Variants in TTLL7 observed in about 807,000 individuals in gnomAD.
The protein encoded by TTLL7 is tubulin polyglutamylase TTLL7.
A neutral mutation model predicts 120.2 loss-of-function variants in TTLL7; 53 were observed. The observed-to-expected ratio is 0.44, with a 90% CI of 0.35 to 0.55. The LOEUF is 0.55. Ranked by LOEUF, TTLL7 falls within the 20% of genes least tolerant of loss-of-function variation. The pLI is 0.00. For missense variants in TTLL7, 803 were observed against 1,054.7 expected (o/e 0.76, Z 3.31); for synonymous variants, 353 against 351.7 (o/e 1.00, Z -0.04).
chr1:83,871,552 A>AAGACTAATGAT lies in TTLL7; in HGVS notation c.2544-1471_2544-1470insATCATTAGTCT, dbSNP rs566664740. ...GATTCGTAATTAGTCTTGGGAAATAAACAGTGGGACGGTATCAAATCGTTT... is the reference window on the plus strand; with the variant it reads ...GATTCGTAATTAGTCTTGGGAAATAAAGACTAATGATACAGTGGGACGGTATCAAATCGTTT... On this transcript the variant is annotated intron_variant, in intron 20 of 20. Transcript: ENST00000260505. Among the ~76,000 whole-genome samples, 25 of 152,316 alleles carry AAGACTAATGAT rather than the reference A, an allele frequency of 1.6e-4. No homozygotes were observed. The East Asian group carries it at 4.1e-3, about 25-fold the overall frequency.
At chr1:83,885,344 A>T (rs1654888166) in intron 19 of TTLL7, among the ~76,000 whole-genome samples, 1 of 152,040 alleles carries the variant, frequency 6.6e-6, no homozygotes, top group Non-Finnish European at 1.5e-5. Context: ...CAACTATCAG[A>T]TCACTCATAT....
chr1:83,885,170 A>G (rs1654875277), intron 19 of TTLL7: 1 of 182,310 alleles, frequency 5.5e-6, no homozygotes, highest in African/African-American at 2.4e-5. Context: ...TTTCATATAC[A>G]TGTGAATATA....
chr1:83,997,054 G>T (rs1653546910), intron 1 of TTLL7, among the ~76,000 whole-genome samples: 1 of 152,104 alleles, frequency 6.6e-6, no homozygotes, highest in Non-Finnish European at 1.5e-5. Flanking sequence ...CTCTTCACAA[G>T]ACCCCACTTC....
intron 1 of TTLL7, among the ~76,000 whole-genome samples, chr1:83,972,115 A>G (rs988755753): frequency 4.6e-5 from 7 of 152,062 alleles, no homozygotes; most frequent in African/African-American, 1.7e-4. Flanking sequence ...TTGATATATC[A>G]TAATTACTGA....
intron 10 of TTLL7, among the ~76,000 whole-genome samples, chr1:83,928,454 G>T (rs1659321642): frequency 6.6e-6 from 1 of 152,030 alleles, no homozygotes; most frequent in Non-Finnish European, 1.5e-5. Flanking sequence ...AATTCATTTT[G>T]TAATGAGCCA....
chr1:83,884,704 C>T (rs9645391), intron 19 of TTLL7, among the ~76,000 whole-genome samples: 5,636 of 125,646 alleles, frequency 0.045, 143 homozygotes, highest in Middle Eastern at 0.16. Flanking sequence ...AGGGGAACAT[C>T]GCACTCTGGG....
intron 6 of TTLL7, chr1:83,946,250 A>C (rs1648493489): frequency 1.3e-5 from 2 of 152,142 alleles, no homozygotes; most frequent in South Asian, 4.1e-4. Flanking sequence ...ACGGGGCTTC[A>C]CTGTGTTAGC....
chr1:83,975,204 T>C (rs896549409), intron 1 of TTLL7, among the ~76,000 whole-genome samples: 2 of 152,110 alleles, frequency 1.3e-5, no homozygotes, highest in Non-Finnish European at 2.9e-5. Flanking sequence ...GGCATTTCAA[T>C]ATAGACTGCA....
At chr1:83,921,929 T>G (rs560837775) in intron 10 of TTLL7, among the ~76,000 whole-genome samples, 99 of 152,266 alleles carry the variant, frequency 6.5e-4, no homozygotes, top group African/African-American at 2.3e-3. Context: ...TGAAAACATC[T>G]GCATAGTCCT....
At position 83,951,901 on chromosome 1, in the gene TTLL7, T is replaced by C. The variant is rs1453393455; in HGVS notation, c.101A>G (p.Lys34Arg). The change falls in exon 3 of 21, where the codon AAG becomes AGG. Residue 34 changes from lysine to arginine, a missense_variant. Physicochemically the swap from Lys to Arg is conservative, Grantham distance 26. Around this residue, in one of 3 missense-constraint regions of TTLL7, gnomAD observed 91 missense variants for 96.6 expected, o/e 0.94. Transcript: ENST00000260505. ...YQSTMKRKVR[K>R]KKKKGTITAN... ...TGTAATGGTTCCCTTCTTTTTCTTC[T>C]TTCTGACTTTCCTTTTCATTGTGCT... 1 of 1,613,570 alleles carries C rather than the reference T, an allele frequency of 6.2e-7. No homozygotes were observed. The highest frequency in any genetic ancestry group is 2.2e-5 in the East Asian group (1 of 44,828).
rs944992382 is a variant in TTLL7 at position 83,866,721 on chromosome 1, T to G, written c.*3241A>C. 3.3e-5 allele frequency: 5 copies of G among 151,922 alleles called. No homozygotes were observed. Among genetic ancestry groups the G allele is most frequent in the Admixed American group, 2.6e-4 (4 of 15,256 alleles). The allele number at this position is 151,922 out of a possible 1,614,324, so 9.4% of individuals were successfully genotyped here. On this transcript the variant is annotated 3_prime_UTR_variant, in exon 21 of 21. Coordinates refer to ENST00000260505, the MANE Select transcript of TTLL7 (RefSeq NM_024686.6). ...CTGTTACAACTTCATTTTTACATAT[T>G]TAAGGTAAATGCAATGCTACTAAAA...
chr1:83,955,070 T>C (rs1649391279), intron 1 of TTLL7, among the ~76,000 whole-genome samples: 1 of 152,174 alleles, frequency 6.6e-6, no homozygotes, highest in Non-Finnish European at 1.5e-5. Context: ...TAGAGTACCA[T>C]TTCTTCCCTA....
chr1:83,919,660 T>C (rs1013069864), intron 13 of TTLL7, 39 bp downstream of exon 13: 4 of 1,564,544 alleles, frequency 2.6e-6, no homozygotes, highest in Non-Finnish European at 3.5e-6. Context: ...ATTGTTTAGC[T>C]TTATTCTTTT....
chr1:83,884,836 C>A (rs1654848185), intron 19 of TTLL7, among the ~76,000 whole-genome samples: 2 of 151,422 alleles, frequency 1.3e-5, no homozygotes, highest in Non-Finnish European at 2.9e-5. Context: ...AACTAACCTG[C>A]ACATTGTGCA....
At position 83,976,770 on chromosome 1, in the gene TTLL7, T is replaced by C. The variant is rs183573531; in HGVS notation, c.-177+22161A>G. 2.0e-5 allele frequency among the ~76,000 whole-genome samples: 3 copies of C among 152,242 alleles called. No homozygotes were observed. The East Asian group carries it at 5.8e-4, about 29-fold the overall frequency. On this transcript the variant is annotated intron_variant, in intron 1 of 20. Transcript: ENST00000260505. ...CTAAATAGACTGTTCCATTTCCTGT[T>C]TCCCTACTTGCTCTTAATTCCACAG...
At chr1:83,874,154 C>G (rs1298530096) in intron 20 of TTLL7, among the ~76,000 whole-genome samples, 1 of 151,994 alleles carries the variant, frequency 6.6e-6, no homozygotes, top group African/African-American at 2.4e-5. Flanking sequence ...TCCTTCCTAC[C>G]CCAGTAATAT....
chr1:83,964,043 T>C (rs1280238711), intron 1 of TTLL7, among the ~76,000 whole-genome samples: 2 of 152,154 alleles, frequency 1.3e-5, no homozygotes, highest in African/African-American at 4.8e-5. Context: ...ATTTTGCTTT[T>C]AGATTATTAA....
At chr1:83,924,951 T>C (rs927313834) in intron 10 of TTLL7, among the ~76,000 whole-genome samples, 1 of 151,770 alleles carries the variant, frequency 6.6e-6, no homozygotes, top group Non-Finnish European at 1.5e-5. Flanking sequence ...GTATATAATA[T>C]AAAGATCAAA....
At chr1:83,920,986 A>C in intron 12 of TTLL7, 101 bp downstream of exon 12, 1 of 1,286,356 alleles carries the variant, frequency 7.8e-7, no homozygotes, top group Non-Finnish European at 1.1e-6. Flanking sequence ...GCTTGGAATG[A>C]AAGAAAAATG....
Sources: gnomAD v4.1 joint callset for allele counts (sites outside exome capture counted in the v4.1 genomes callset) on GRCh38, gnomAD v4.1.1 for gene constraint, gnomAD v4.1.1 regional missense constraint, MANE v1.5 for transcripts, NCBI Gene and HGNC (gene_info 2026-07-23, HGNC 2026-07-21) for gene names.